Variants in RAMP1 observed in about 807,000 individuals in gnomAD.
RAMP1 encodes the protein receptor activity modifying protein 1.
A neutral mutation model predicts 8.2 loss-of-function variants in RAMP1; 7 were observed. The observed-to-expected ratio is 0.85, with a 90% CI of 0.49 to 1.60. RAMP1 has a LOEUF of 1.60. Ranked by LOEUF, RAMP1 falls within the 40% of genes most tolerant of loss-of-function variation. The pLI is 0.00. For missense variants in RAMP1, 192 were observed against 202.4 expected, an observed-to-expected ratio of 0.95 and a Z score of 0.31; for synonymous variants, 92 against 84.7, an observed-to-expected ratio of 1.09 and a Z score of -0.47.
At chr2:237,893,445 C>T (rs2062506486) in intron 2 of RAMP1, among the ~76,000 whole-genome samples, 1 of 152,198 alleles carries the variant, frequency 6.6e-6, no homozygotes, top group Non-Finnish European at 1.5e-5. Flanking sequence ...TCCCCGATAG[C>T]TGAGGTTTCC....
chr2:237,874,994 G>T (rs1402768770), intron 1 of RAMP1, among the ~76,000 whole-genome samples: 3 of 152,120 alleles, frequency 2.0e-5, no homozygotes, highest in Non-Finnish European at 4.4e-5. Context: ...GAAAGGCAGT[G>T]GGGGGCGGGA....
intron 2 of RAMP1, among the ~76,000 whole-genome samples, chr2:237,882,424 G>C (rs7586684): frequency 0.13 from 19,206 of 152,236 alleles, 1,446 homozygotes; most frequent in East Asian, 0.22. Flanking sequence ...TTGGCTTTTT[G>C]AGGTCAGCAG....
intron 2 of RAMP1, among the ~76,000 whole-genome samples, chr2:237,901,320 G>C (rs1559952648): frequency 6.6e-6 from 1 of 152,214 alleles, no homozygotes; most frequent in Non-Finnish European, 1.5e-5. Context: ...TCTGCAGTCT[G>C]GTTGTTGAGA....
chr2:237,859,072 C>T (rs1174700686), upstream of RAMP1: 2 of 152,680 alleles, frequency 1.3e-5, no homozygotes, highest in African/African-American at 2.4e-5. Context: ...GCCGTGCTGT[C>T]CCCGCCTCTG....
chr2:237,871,487 C>T (rs1232043725), intron 1 of RAMP1, among the ~76,000 whole-genome samples: 2 of 152,176 alleles, frequency 1.3e-5, no homozygotes, highest in African/African-American at 2.4e-5. Context: ...CGCAACCCAC[C>T]AGGGACAGAT....
At position 237,891,604 on chromosome 2, in the gene RAMP1, T is replaced by C. The variant is rs540759848; in HGVS notation, c.191+14242T>C. Among the ~76,000 whole-genome samples the C allele has an allele frequency of 2.0e-5, 3 of 152,346 alleles. No homozygotes were observed. The South Asian group carries it at 6.2e-4, about 32-fold the overall frequency. On this transcript the variant is annotated intron_variant, in intron 2 of 2. Transcript: ENST00000254661. ...TAGGGAGGAAATGTAGCCTGAATCA[T>C]TTCTGCTTTTGTATTTTTATGGAGA...
chr2:237,859,526 C>A (rs2062110458), upstream of RAMP1: 1 of 313,464 alleles, frequency 3.2e-6, no homozygotes. Flanking sequence ...CGCGGGGAGC[C>A]GCAGTGGGCC....
intron 1 of RAMP1, among the ~76,000 whole-genome samples, chr2:237,867,600 C>T (rs1184770885): frequency 8.5e-5 from 13 of 152,222 alleles, no homozygotes; most frequent in Non-Finnish European, 1.6e-4. Flanking sequence ...CCCAGCTGGA[C>T]ATTGTCTCAG....
chr2:237,900,269 C>T (rs1252709476), intron 2 of RAMP1, among the ~76,000 whole-genome samples: 14 of 152,322 alleles, frequency 9.2e-5, no homozygotes, highest in Admixed American at 2.6e-4. Context: ...ACGGCATTCT[C>T]GTGCCTCAGC....
In RAMP1 at chr2:237,864,599, G is replaced by A. The variant is rs538307329; in HGVS notation, c.52+4872G>A. Among the ~76,000 whole-genome samples, 78 of 152,290 alleles carry A rather than the reference G, an allele frequency of 5.1e-4. 1 individual carries two copies. Among genetic ancestry groups the A allele is most frequent in the South Asian group, 4.1e-4 (2 of 4,828 alleles). On this transcript the variant is annotated intron_variant, in intron 1 of 2. Transcript: ENST00000254661. ...ACACAGGGTCAGGACTCTCACACAC[G>A]TGGGACACCCAGGGTCAGGACTCGG...
chr2:237,874,818 GAGAAA>G (rs2062283049), intron 1 of RAMP1: 1 of 639,420 alleles, frequency 1.6e-6, no homozygotes, highest in Non-Finnish European at 1.9e-6. Flanking sequence ...AGAGGGTTCT[GAGAAA>G]AGAAAGAGAC....
intron 2 of RAMP1, among the ~76,000 whole-genome samples, chr2:237,887,063 C>T (rs1465872576): frequency 3.6e-5 from 5 of 139,864 alleles, no homozygotes; most frequent in African/African-American, 1.0e-4. Flanking sequence ...GCCCCGAAGG[C>T]GGCCTCCTGG....
In RAMP1 at chr2:237,865,018, T is replaced by A. The variant is rs988485443; in HGVS notation, c.52+5291T>A. Among the ~76,000 whole-genome samples the A allele has an allele frequency of 6.6e-6, 1 of 152,026 alleles. No homozygotes were observed. The highest frequency in any genetic ancestry group is 2.1e-4 in the South Asian group (1 of 4,820). On this transcript the variant is annotated intron_variant, in intron 1 of 2. Transcript: ENST00000254661. This position sits in a 1 kb window ranked among gnomAD's most constrained non-coding sequence, Gnocchi z 4.2. The stretch of plus-strand genomic sequence containing the variant: ...TCATTCCTAGGGCAGTGGGAAAACC[T>A]TGAAGGACATTAAAGGGGGTGACAG...
rs974634238 is a variant in RAMP1, at chr2:237,877,979, G to A, written c.191+617G>A. 2.0e-6 allele frequency: 2 copies of A among 985,314 alleles called. No individual in the cohort carries two copies. The highest frequency in any genetic ancestry group is 2.4e-6 in the Non-Finnish European group (2 of 829,924). 61.0% of individuals were successfully genotyped at this position (985,314 alleles called of 1,614,324 possible). A position where few individuals can be genotyped will look rare whatever the true frequency, so the allele number is the denominator to read the frequency against. Reference sequence around the variant, plus strand: ...TGGGCCCCCATCAGCAGGCCGGGGGGTTCTCCCCAGCAGGCCCAGGCTCCT... The same window carrying A: ...TGGGCCCCCATCAGCAGGCCGGGGGATTCTCCCCAGCAGGCCCAGGCTCCT... On this transcript the variant is annotated intron_variant, in intron 2 of 2. Coordinates refer to ENST00000254661, the MANE Select transcript of RAMP1 (RefSeq NM_005855.4). The surrounding 1 kb of genome is among the most constrained non-coding windows in gnomAD (Gnocchi z 4.4).
intron 2 of RAMP1, among the ~76,000 whole-genome samples, chr2:237,884,957 C>T (rs1369481546): frequency 1.3e-5 from 2 of 152,220 alleles, no homozygotes; most frequent in Non-Finnish European, 2.9e-5. Flanking sequence ...AGTTGGGGGA[C>T]GCAAGACAAA....
At chr2:237,887,561 C>T (rs751770171) in intron 2 of RAMP1, among the ~76,000 whole-genome samples, 1 of 152,208 alleles carries the variant, frequency 6.6e-6, no homozygotes, top group Non-Finnish European at 1.5e-5. Flanking sequence ...CAGTGGAGGC[C>T]GCCTCACTCT....
chr2:237,871,862 A>G (rs1441557402), intron 1 of RAMP1, among the ~76,000 whole-genome samples: 1 of 152,224 alleles, frequency 6.6e-6, no homozygotes, highest in Non-Finnish European at 1.5e-5. Context: ...CCCTGTCTCC[A>G]AAAAAGGAAG....
chr2:237,885,448 G>T (rs1195829880), intron 2 of RAMP1, among the ~76,000 whole-genome samples: 1 of 152,264 alleles, frequency 6.6e-6, no homozygotes, highest in African/African-American at 2.4e-5. Flanking sequence ...TCGTGGGTTT[G>T]TTCATGGCGG....
rs371519125 is a variant in RAMP1 at position 237,877,404 on chromosome 2, G to C, written c.191+42G>C. The C allele has an allele frequency of 9.5e-6, 15 of 1,586,398 alleles. No individual in the cohort carries two copies. In the African/African-American group the frequency reaches 1.3e-4, roughly 14 times the overall value. On this transcript the variant is annotated intron_variant, in intron 2 of 2. Coordinates refer to ENST00000254661, the MANE Select transcript of RAMP1 (RefSeq NM_005855.4). This position sits in a 1 kb window ranked among gnomAD's most constrained non-coding sequence, Gnocchi z 4.4. Reference sequence around the variant, plus strand: ...CTGGTGGGCAGGACACGGTTGGGGAGGGAGAGGGGGCAAGCGGAGGAGGAG... The same window carrying C: ...CTGGTGGGCAGGACACGGTTGGGGACGGAGAGGGGGCAAGCGGAGGAGGAG...
Sources: gnomAD v4.1 joint callset for allele counts (sites outside exome capture counted in the v4.1 genomes callset) on GRCh38, gnomAD v4.1.1 for gene constraint, Gnocchi (gnomAD v3.1) non-coding constraint, MANE v1.5 for transcripts, NCBI Gene and HGNC (gene_info 2026-07-23, HGNC 2026-07-21) for gene names.